The following NSRP1 variants were observed in gnomAD, a reference collection of about 807,000 sequenced individuals.
NSRP1 encodes the protein nuclear speckle splicing regulatory protein 1, also known as coiled-coil domain containing 55.
In NSRP1, 24 loss-of-function variants were observed where a neutral mutation model predicts 54.7. The observed-to-expected ratio is 0.44, with a 90% CI of 0.32 to 0.62. The LOEUF (loss-of-function observed/expected upper bound fraction) is 0.62, where lower values mean the gene tolerates loss of function less well. Among genes scored for constraint, NSRP1 ranks in the 20% least tolerant of loss-of-function variants. The probability of loss-of-function intolerance (pLI) is 0.06; values close to 1 mark genes in which losing one functional copy is unlikely to be tolerated. For synonymous variants in NSRP1, 210 were observed against 213.8 expected (o/e 0.98, Z 0.15); for missense variants, 596 against 651.2 (o/e 0.92, Z 0.92).
At chr17:30,167,070 C>G (rs1904757272) in intron 2 of NSRP1, among the ~76,000 whole-genome samples, 1 of 152,170 alleles carries the variant, frequency 6.6e-6, no homozygotes, top group Non-Finnish European at 1.5e-5. Flanking sequence ...TGTTATCTAC[C>G]TTTTCACTCT....
At chr17:30,121,825 C>T (rs1209810465) in intron 2 of NSRP1, among the ~76,000 whole-genome samples, 1 of 152,138 alleles carries the variant, frequency 6.6e-6, no homozygotes, top group African/African-American at 2.4e-5. Flanking sequence ...CGCCCGGCCT[C>T]CCAAAGTGCT....
rs566796272 is a variant in NSRP1, at chr17:30,132,097, A to C, written c.114+13924A>C. Among the ~76,000 whole-genome samples, 14 of 151,236 alleles carry C rather than the reference A, an allele frequency of 9.3e-5. No homozygotes were observed. In the East Asian group the frequency reaches 2.7e-3, roughly 29 times the overall value. On this transcript the variant is annotated intron_variant, in intron 2 of 6. Coordinates refer to ENST00000247026, the MANE Select transcript of NSRP1 (RefSeq NM_032141.4). The stretch of plus-strand genomic sequence containing the variant: ...CCCCGTCTCTACTAAAAATACAAAA[A>C]ATTAGCCGGGCATGGTGGCGGGCGC...
intron 2 of NSRP1, among the ~76,000 whole-genome samples, chr17:30,168,428 A>T (rs1198245257): frequency 1.3e-5 from 2 of 151,996 alleles, no homozygotes; most frequent in African/African-American, 4.8e-5. Flanking sequence ...CACAGTTCTT[A>T]GCAGAATTAT....
chr17:30,135,923 G>C (rs1436481473), intron 2 of NSRP1, among the ~76,000 whole-genome samples: 1 of 151,884 alleles, frequency 6.6e-6, no homozygotes, highest in African/African-American at 2.4e-5. Context: ...CTGTAGCCTT[G>C]ATGTCCCAGG....
At chr17:30,176,614 C>A (rs868800659) in intron 3 of NSRP1, among the ~76,000 whole-genome samples, 2 of 121,900 alleles carry the variant, frequency 1.6e-5, no homozygotes, top group African/African-American at 2.7e-5. Flanking sequence ...CGTCCCCCCC[C>A]CCCCAAAAAA....
At chr17:30,119,043 C>T (rs2071572860) in intron 2 of NSRP1, among the ~76,000 whole-genome samples, 1 of 151,756 alleles carries the variant, frequency 6.6e-6, no homozygotes, top group Non-Finnish European at 1.5e-5. Flanking sequence ...CCACCGCACC[C>T]AGTAAATATG....
chr17:30,173,992 A>G (rs971870079), intron 3 of NSRP1, among the ~76,000 whole-genome samples: 1 of 152,256 alleles, frequency 6.6e-6, no homozygotes, highest in Non-Finnish European at 1.5e-5. Flanking sequence ...AACAGTGATT[A>G]TTTAACATAA....
chr17:30,132,564 A>C lies in NSRP1; in HGVS notation c.114+14391A>C, dbSNP rs1382090230. 3.9e-5 allele frequency among the ~76,000 whole-genome samples: 6 copies of C among 152,248 alleles called. No homozygotes were observed. The East Asian group carries it at 1.2e-3, about 29-fold the overall frequency. On this transcript the variant is annotated intron_variant, in intron 2 of 6. Transcript: ENST00000247026. Reference sequence around the variant, plus strand: ...GCGAGACTGTCTCAAAAAGAAAAGAAACCATTTTCTTTGCTCATCCAGTAG... The same window carrying C: ...GCGAGACTGTCTCAAAAAGAAAAGACACCATTTTCTTTGCTCATCCAGTAG...
intron 6 of NSRP1, among the ~76,000 whole-genome samples, chr17:30,181,244 A>G (rs1360001648): frequency 6.6e-6 from 1 of 152,202 alleles, no homozygotes; most frequent in Non-Finnish European, 1.5e-5. Flanking sequence ...AAATTGTTAC[A>G]TTAAAACAGT....
At chr17:30,135,982 G>A (rs888639165) in intron 2 of NSRP1, among the ~76,000 whole-genome samples, 5 of 152,002 alleles carry the variant, frequency 3.3e-5, no homozygotes, top group African/African-American at 1.2e-4. Flanking sequence ...GTAGGCCAAG[G>A]CGGGTGGATC....
chr17:30,148,868 G>C (rs1369966658), intron 2 of NSRP1, among the ~76,000 whole-genome samples: 1 of 152,080 alleles, frequency 6.6e-6, no homozygotes, highest in Non-Finnish European at 1.5e-5. Flanking sequence ...TACTTTTCTT[G>C]ATTAATCTTG....
chr17:30,176,810 T>C (rs1354384305), intron 3 of NSRP1, among the ~76,000 whole-genome samples: 1 of 152,160 alleles, frequency 6.6e-6, no homozygotes, highest in Non-Finnish European at 1.5e-5. Context: ...AAAAATGAAT[T>C]TCTTAATATT....
intron 2 of NSRP1, among the ~76,000 whole-genome samples, chr17:30,151,274 A>G (rs1260341713): frequency 6.6e-6 from 1 of 152,160 alleles, no homozygotes; most frequent in South Asian, 2.1e-4. Context: ...ACATGATTGC[A>G]AATACAGTTG....
At chr17:30,152,994 A>C (rs1444055344) in intron 2 of NSRP1, among the ~76,000 whole-genome samples, 1 of 143,378 alleles carries the variant, frequency 7.0e-6, no homozygotes, top group African/African-American at 2.6e-5. Flanking sequence ...CTGCACTGCA[A>C]CCTCTGTCTC....
chr17:30,185,655 T>C lies in NSRP1; in HGVS notation c.1658T>C (p.Ile553Thr). The C allele has an allele frequency of 1.3e-6, 2 of 1,582,900 alleles. No individual in the cohort carries two copies. The highest frequency in any genetic ancestry group is 4.5e-5 in the East Asian group (2 of 44,484). Reference protein sequence around the residue: ...QMARVNAKTYIEKEDD With the variant: ...QMARVNAKTYTEKEDD ...GCGCGGGTTAATGCAAAGACCTATA[T>C]TGAGAAAGAAGATGATTGATGGCTA... The change falls in exon 7 of 7, where the codon ATT (isoleucine) becomes ACT (threonine). Residue 553 changes from isoleucine (I) to threonine (T), a missense_variant. Physicochemically the swap from Ile to Thr is moderately conservative, Grantham distance 89. Coordinates refer to ENST00000247026, the MANE Select transcript of NSRP1 (RefSeq NM_032141.4).
intron 2 of NSRP1, among the ~76,000 whole-genome samples, chr17:30,155,248 G>A (rs559743276): frequency 9.8e-4 from 149 of 152,044 alleles, no homozygotes; most frequent in Middle Eastern, 3.4e-3. Context: ...ATGACATTCC[G>A]ATTGTACCCC....
chr17:30,183,598 AACCAAAGTTGTTGC>A (rs1042867735), intron 6 of NSRP1, among the ~76,000 whole-genome samples: 2 of 152,150 alleles, frequency 1.3e-5, no homozygotes, highest in Non-Finnish European at 2.9e-5. Flanking sequence ...ATTCCTGGAG[AACCAAAGTTGTTGC>A]ACCATTAGTG....
intron 2 of NSRP1, chr17:30,168,147 G>A (rs981470504): frequency 1.6e-4 from 25 of 152,090 alleles, no homozygotes; most frequent in South Asian, 4.1e-4. Flanking sequence ...TTAAAGTTTG[G>A]AATAAGAGTA....
chr17:30,148,464 T>C (rs1033613356), intron 2 of NSRP1, among the ~76,000 whole-genome samples: 6 of 152,226 alleles, frequency 3.9e-5, no homozygotes, highest in African/African-American at 9.6e-5. Flanking sequence ...ATTATTGTTA[T>C]GTACATTTAC....
Sources: allele counts gnomAD v4.1 joint callset (sites outside exome capture counted in the v4.1 genomes callset), GRCh38; gene constraint gnomAD v4.1.1; transcripts MANE v1.5; gene names NCBI Gene and HGNC (gene_info 2026-07-23, HGNC 2026-07-21).